SPEN: variants seen among roughly 807,000 people sequenced by gnomAD.
SPEN encodes spen family transcriptional repressor.
SPEN carries 18 observed loss-of-function variants against 269.9 expected under a neutral mutation model. The observed-to-expected ratio is 0.07, with a 90% CI of 0.05 to 0.10. SPEN has a LOEUF of 0.10. Ranked by LOEUF, SPEN falls within the 10% of genes least tolerant of loss-of-function variation. The pLI is 1.00. For synonymous variants in SPEN, 1,726 were observed against 1,765.7 expected (o/e 0.98, Z 0.56); for missense variants, 3,822 against 4,631.2 (o/e 0.83, Z 5.07).
Position 15,908,966 on chromosome 1 carries a change from A to C in SPEN, c.882-355A>C, listed in dbSNP as rs1330132944. Among the ~76,000 whole-genome samples the C allele has an allele frequency of 2.0e-5, 3 of 152,134 alleles. No individual in the cohort carries two copies. The East Asian group carries it at 5.8e-4, about 29-fold the overall frequency. ...GCTATATGTCTGATCCAAGATTTGAATCTAGACCTCTGAATCCCAAACCCA... is the reference window on the plus strand; with the variant it reads ...GCTATATGTCTGATCCAAGATTTGACTCTAGACCTCTGAATCCCAAACCCA... On this transcript the variant is annotated intron_variant, in intron 3 of 14. Transcript: ENST00000375759.
rs2070631732 is a variant in SPEN, at chr1:15,876,489, G to A, written c.692G>A (p.Arg231Lys). ...RDDITREVRG[R>K]RPERNYQHSR... ...GATATTACCCGGGAGGTACGAGGCA[G>A]AAGGCCAGAGCGGAATTACCAGCAC... The change falls in exon 3 of 15, where the codon AGA (arginine) becomes AAA (lysine). Residue 231 changes from arginine (R) to lysine (K), a missense_variant. Physicochemically the swap from Arg to Lys is conservative, Grantham distance 26 (BLOSUM62 2). This residue lies in a region of SPEN where 327 missense variants were observed against 350.8 expected (regional missense o/e 0.93). Coordinates refer to ENST00000375759, the MANE Select transcript of SPEN (RefSeq NM_015001.3). The A allele has an allele frequency of 1.2e-6, 2 of 1,614,168 alleles. No individual in the cohort carries two copies. Among genetic ancestry groups the A allele is most frequent in the East Asian group, 4.5e-5 (2 of 44,882 alleles).
At chr1:15,867,536 T>C (rs1267624530) in intron 1 of SPEN, among the ~76,000 whole-genome samples, 3 of 152,118 alleles carry the variant, frequency 2.0e-5, no homozygotes, top group Non-Finnish European at 4.4e-5. Flanking sequence ...TTGATGGCCA[T>C]TTAGATTGTT....
chr1:15,848,465 G>C lies in SPEN; in HGVS notation c.83+315G>C, dbSNP rs1392305625. Among the ~76,000 whole-genome samples the C allele has an allele frequency of 6.6e-6, 1 of 151,796 alleles. No individual in the cohort carries two copies. The highest frequency in any genetic ancestry group is 1.5e-5 in the Non-Finnish European group (1 of 67,938). ...CGGGGCTGCCCTCGCGTCAGCCCGGGAGTCGGTGGGAGATGCGCTGGGCGG... is the reference window on the plus strand; with the variant it reads ...CGGGGCTGCCCTCGCGTCAGCCCGGCAGTCGGTGGGAGATGCGCTGGGCGG... On this transcript the variant is annotated intron_variant, in intron 1 of 14. Coordinates refer to ENST00000375759, the MANE Select transcript of SPEN (RefSeq NM_015001.3). The surrounding 1 kb of genome is among the most constrained non-coding windows in gnomAD (Gnocchi z 5.1).
intron 3 of SPEN, among the ~76,000 whole-genome samples, chr1:15,877,511 C>T (rs775319052): frequency 7.2e-5 from 11 of 152,046 alleles, no homozygotes; most frequent in Non-Finnish European, 1.2e-4. Flanking sequence ...AGTGATTTGC[C>T]CACCTCATCC....
chr1:15,919,176 G>GAT lies in SPEN; in HGVS notation c.1521+129_1521+130dup, dbSNP rs2071093499. On this transcript the variant is annotated intron_variant, in intron 7 of 14. Coordinates refer to ENST00000375759, the MANE Select transcript of SPEN (RefSeq NM_015001.3). ...TACTAAGACAGATAACCATAAAAGT[G>GAT]ATATACTTCTTTGCATTCCTATCCT... 4.3e-5 allele frequency: 36 copies of GAT among 835,356 alleles called. No individual in the cohort carries two copies. The South Asian group carries it at 6.7e-4, about 15-fold the overall frequency. The allele number at this position is 835,356 out of a possible 1,614,324, so 51.7% of individuals were successfully genotyped here.
chr1:15,879,785 C>T (rs1013378840), intron 3 of SPEN, among the ~76,000 whole-genome samples: 2 of 152,028 alleles, frequency 1.3e-5, no homozygotes, highest in Non-Finnish European at 2.9e-5. Flanking sequence ...ATTCTTCTGC[C>T]TCAGCCTCTC....
rs775933153 is a variant in SPEN, at chr1:15,932,763, G to A, written c.6523G>A (p.Val2175Met). 4.3e-6 allele frequency: 7 copies of A among 1,614,070 alleles called. No individual in the cohort carries two copies. The highest frequency in any genetic ancestry group is 4.0e-5 in the African/African-American group (3 of 74,924). Residue 2175 changes from valine to methionine, a missense_variant, in exon 11 of 15, where the codon GTG (valine) becomes ATG (methionine). Physicochemically the swap from Val to Met is conservative, Grantham distance 21. This residue lies in a region of SPEN where 727 missense variants were observed against 737.9 expected (regional missense o/e 0.99). Coordinates refer to ENST00000375759, the MANE Select transcript of SPEN (RefSeq NM_015001.3). The surrounding 1 kb of genome is among the most constrained non-coding windows in gnomAD (Gnocchi z 4.2). Reference sequence around the variant, plus strand: ...CAAGCAGATGGAGCTGGAGCAGGCCGTGGAACACATCGCAAAGCTCGCTGA... The same window carrying A: ...CAAGCAGATGGAGCTGGAGCAGGCCATGGAACACATCGCAAAGCTCGCTGA... Reference protein sequence around the residue: ...LAKQMELEQAVEHIAKLAEAS... With the variant: ...LAKQMELEQAMEHIAKLAEAS...
intron 2 of SPEN, among the ~76,000 whole-genome samples, chr1:15,875,598 G>A (rs569156653): frequency 1.8e-4 from 27 of 151,830 alleles, no homozygotes; most frequent in Non-Finnish European, 1.9e-4. Context: ...ATTGGGTACC[G>A]CTGTGCAGTC....
In SPEN at chr1:15,940,436, T is replaced by C. The variant is rs2071335758; in HGVS notation, c.*1009T>C. On this transcript the variant is annotated 3_prime_UTR_variant, in exon 15 of 15. Transcript: ENST00000375759. Reference sequence around the variant, plus strand: ...TGTGTGTCCATTGGATTACAAACTTTATTAAAAAATATAAAACACACCAAG... The same window carrying C: ...TGTGTGTCCATTGGATTACAAACTTCATTAAAAAATATAAAACACACCAAG... The C allele has an allele frequency of 4.4e-6, 1 of 229,662 alleles. No homozygotes were observed. Among genetic ancestry groups the C allele is most frequent in the Non-Finnish European group, 8.6e-6 (1 of 115,632 alleles). The allele number at this position is 229,662 out of a possible 1,614,324, so 14.2% of individuals were successfully genotyped here.
At chr1:15,881,418 G>T (rs1277192055) in intron 3 of SPEN, among the ~76,000 whole-genome samples, 1 of 152,118 alleles carries the variant, frequency 6.6e-6, no homozygotes, top group Non-Finnish European at 1.5e-5. Context: ...GGAAAATTTG[G>T]AACAGGTGGG....
intron 1 of SPEN, among the ~76,000 whole-genome samples, chr1:15,857,747 ACCT>A (rs2070401889): frequency 6.6e-6 from 1 of 151,924 alleles, no homozygotes; most frequent in African/African-American, 2.4e-5. Flanking sequence ...TGCAGCCTCG[ACCT>A]CCTGGGCTTG....
At chr1:15,895,165 G>A (rs1055920009) in intron 3 of SPEN, among the ~76,000 whole-genome samples, 1 of 151,988 alleles carries the variant, frequency 6.6e-6, no homozygotes, top group Non-Finnish European at 1.5e-5. Context: ...CAGGTGATCC[G>A]CCCGCCTCGG....
chr1:15,877,738 CTTTTTT>C (rs777782248), intron 3 of SPEN, among the ~76,000 whole-genome samples: 4 of 106,836 alleles, frequency 3.7e-5, no homozygotes, highest in East Asian at 2.8e-4. Context: ...TCAGCTTTCC[CTTTTTT>C]TTTTTTTTTT....
Position 15,935,796 on chromosome 1 carries a change from C to T in SPEN, c.9556C>T (p.Leu3186=). ...EVLVMQSEYR[L]HPYTVPRDVR... is the part of the protein sequence containing the mutation. Reference sequence around the variant, plus strand: ...ACTAGTCATGCAGTCTGAGTACCGACTGCACCCCTATACTGTGCCACGGGA... The same window carrying T: ...ACTAGTCATGCAGTCTGAGTACCGATTGCACCCCTATACTGTGCCACGGGA... The change falls in exon 11 of 15, where the codon CTG becomes TTG. Residue 3186 remains leucine (L), a synonymous_variant. Coordinates refer to ENST00000375759, the MANE Select transcript of SPEN (RefSeq NM_015001.3). The surrounding 1 kb of genome is among the most constrained non-coding windows in gnomAD (Gnocchi z 7.7). The T allele has an allele frequency of 6.2e-7, 1 of 1,613,882 alleles. No homozygotes were observed.
intron 1 of SPEN, among the ~76,000 whole-genome samples, chr1:15,863,746 T>C (rs1024481964): frequency 2.6e-5 from 4 of 151,566 alleles, no homozygotes; most frequent in Non-Finnish European, 4.4e-5. Flanking sequence ...GAGGCTGAGA[T>C]AGGAGGATTG....
intron 3 of SPEN, among the ~76,000 whole-genome samples, chr1:15,895,980 G>A (rs1188712424): frequency 2.0e-5 from 3 of 150,962 alleles, no homozygotes; most frequent in African/African-American, 4.9e-5. Context: ...CACCATGCCC[G>A]GCCTATACTT....
At chr1:15,918,852 C>A in intron 6 of SPEN, 74 bp from the exon 7 acceptor site, 3 of 1,250,420 alleles carry the variant, frequency 2.4e-6, no homozygotes, top group East Asian at 2.4e-5. Context: ...GAAATAAATA[C>A]CCTATATGGA....
intron 8 of SPEN, among the ~76,000 whole-genome samples, chr1:15,919,754 TATAA>T (rs2071098988): frequency 6.6e-6 from 1 of 152,266 alleles, no homozygotes; most frequent in African/African-American, 2.4e-5. Context: ...ATTCTCATAG[TATAA>T]ATAGAATGAA....
At chr1:15,858,745 G>A (rs994314477) in intron 1 of SPEN, among the ~76,000 whole-genome samples, 2 of 152,006 alleles carry the variant, frequency 1.3e-5, no homozygotes, top group African/African-American at 4.8e-5. Flanking sequence ...GACCAGTCTG[G>A]GCAACATGGT....
Sources: gnomAD v4.1 joint callset for allele counts (sites outside exome capture counted in the v4.1 genomes callset) on GRCh38, gnomAD v4.1.1 for gene constraint, gnomAD v4.1.1 regional missense constraint, Gnocchi (gnomAD v3.1) non-coding constraint, MANE v1.5 for transcripts, NCBI Gene and HGNC (gene_info 2026-07-23, HGNC 2026-07-21) for gene names.